Variants in ATRN observed in about 807,000 individuals in gnomAD.
ATRN encodes attractin-2.
A neutral mutation model predicts 178.7 loss-of-function variants in ATRN; 54 were observed. The observed-to-expected ratio is 0.30, with a 90% CI of 0.24 to 0.38. ATRN has a LOEUF of 0.38. ATRN is among the 10% of genes least tolerant of loss of function. The pLI, the probability that ATRN is intolerant of heterozygous loss-of-function variation, is 1.00. For missense variants in ATRN, 1,443 were observed against 1,815.1 expected, an observed-to-expected ratio of 0.79 and a Z score of 3.73; for synonymous variants, 636 against 663.0, an observed-to-expected ratio of 0.96 and a Z score of 0.63.
intron 12 of ATRN, 98 bp downstream of exon 12, chr20:3,573,049 CCT>C: frequency 9.2e-7 from 1 of 1,085,306 alleles, no homozygotes; most frequent in Non-Finnish European, 1.3e-6. Context: ...TTTATGTTTA[CCT>C]TATCCAAAAT....
rs920099052 is a variant in ATRN at position 3,651,099 on chromosome 20, A to G, written c.*4252A>G. ...TATAATACAAACTTCCTTCTGAAATAAAAGTAGATCTGGTAAAAATGTGGC... is the reference window on the plus strand; with the variant it reads ...TATAATACAAACTTCCTTCTGAAATGAAAGTAGATCTGGTAAAAATGTGGC... On this transcript the variant is annotated 3_prime_UTR_variant, in exon 29 of 29. Coordinates refer to ENST00000262919, the MANE Select transcript of ATRN (RefSeq NM_139321.3). The G allele has an allele frequency of 6.5e-6, 1 of 152,682 alleles. No homozygotes were observed. The highest frequency in any genetic ancestry group is 1.5e-5 in the Non-Finnish European group (1 of 68,048). The allele number at this position is 152,682 out of a possible 1,614,324, so 9.5% of individuals were successfully genotyped here.
intron 1 of ATRN, among the ~76,000 whole-genome samples, chr20:3,522,669 C>T (rs2085311811): frequency 1.3e-5 from 2 of 152,166 alleles, no homozygotes; most frequent in Admixed American, 6.5e-5. Context: ...AGGAGAGCTC[C>T]AGCTGACATC....
chr20:3,475,457 T>C (rs2084512311), intron 1 of ATRN, among the ~76,000 whole-genome samples: 1 of 152,044 alleles, frequency 6.6e-6, no homozygotes, highest in South Asian at 2.1e-4. Context: ...AAAGATGACA[T>C]AGAAATGACT....
chr20:3,596,461 G>A, intron 21 of ATRN, 32 bp downstream of exon 21: 1 of 1,585,522 alleles, frequency 6.3e-7, no homozygotes, highest in Non-Finnish European at 8.7e-7. Context: ...ATTTCTAGAA[G>A]CAAAGTAGTT....
chr20:3,522,684 GGATACCCCTCT>G (rs2085312143), intron 1 of ATRN, among the ~76,000 whole-genome samples: 4 of 152,158 alleles, frequency 2.6e-5, no homozygotes, highest in African/African-American at 9.7e-5. Context: ...GACATCTGGT[GGATACCCCTCT>G]GGGATGAAGC....
At chr20:3,592,511 A>G in intron 19 of ATRN, 2 of 977,236 alleles carry the variant, frequency 2.0e-6, no homozygotes, top group Non-Finnish European at 2.4e-6. Flanking sequence ...ATGACAAGTG[A>G]TATTAATGAA....
Position 3,645,211 on chromosome 20 carries a change from A to T in ATRN, c.4165+943A>T, listed in dbSNP as rs544983605. Among the ~76,000 whole-genome samples, 3 of 152,342 alleles carry T rather than the reference A, an allele frequency of 2.0e-5. No homozygotes were observed. Among genetic ancestry groups the T allele is most frequent in the African/African-American group, 7.2e-5 (3 of 41,578 alleles). ...CTGTGTCTGGTGGAAAGGCTGCCCCAGGATACTGGTCCAGGCCCTGAGCTC... is the reference window on the plus strand; with the variant it reads ...CTGTGTCTGGTGGAAAGGCTGCCCCTGGATACTGGTCCAGGCCCTGAGCTC... On this transcript the variant is annotated intron_variant, in intron 28 of 28. Transcript: ENST00000262919. This position sits in a 1 kb window ranked among gnomAD's most constrained non-coding sequence, Gnocchi z 4.7.
chr20:3,559,518 T>C, intron 7 of ATRN, 35 bp downstream of exon 7: 1 of 1,541,530 alleles, frequency 6.5e-7, no homozygotes, highest in Non-Finnish European at 9.0e-7. Context: ...AGCAAGAAAC[T>C]AAGTTTTCCT....
chr20:3,502,937 C>T (rs147387412), intron 1 of ATRN, among the ~76,000 whole-genome samples: 2 of 152,182 alleles, frequency 1.3e-5, no homozygotes, highest in African/African-American at 4.8e-5. Context: ...AGCAAGTGGC[C>T]CATTACAGAA....
At chr20:3,497,527 A>T (rs1215261375) in intron 1 of ATRN, among the ~76,000 whole-genome samples, 1 of 152,112 alleles carries the variant, frequency 6.6e-6, no homozygotes, top group Non-Finnish European at 1.5e-5. Context: ...CTGCTGAGAG[A>T]TCAGCTGTTA....
At chr20:3,560,203 A>C (rs1006158715) in intron 7 of ATRN, among the ~76,000 whole-genome samples, 1 of 151,928 alleles carries the variant, frequency 6.6e-6, no homozygotes, top group East Asian at 1.9e-4. Context: ...TATCTTCATG[A>C]GATCCACTTT....
intron 1 of ATRN, among the ~76,000 whole-genome samples, chr20:3,481,240 G>A (rs2084615974): frequency 6.6e-6 from 1 of 151,780 alleles, no homozygotes; most frequent in Non-Finnish European, 1.5e-5. Context: ...TTTTCTTTAT[G>A]TCATATCTCT....
rs1404925616 is a variant in ATRN at position 3,535,276 on chromosome 20, T to C, written c.434T>C (p.Val145Ala). ...AGACTAACTGGATCTTCTGGGTTTG[T>C]GACAGATGGACCTGGAAATTATAAA... ...RFRLTGSSGF[V>A]TDGPGNYKYK... is the part of the protein sequence containing the mutation. The change falls in exon 2 of 29, where the codon GTG becomes GCG. Residue 145 changes from valine to alanine, a missense_variant. By Grantham distance (64) the Val-to-Ala change is moderately conservative. Coordinates refer to ENST00000262919, the MANE Select transcript of ATRN (RefSeq NM_139321.3). 4 of 1,540,902 alleles carry C rather than the reference T, an allele frequency of 2.6e-6. No individual in the cohort carries two copies. The highest frequency in any genetic ancestry group is 2.5e-5 in the South Asian group (2 of 80,296).
intron 1 of ATRN, among the ~76,000 whole-genome samples, chr20:3,479,220 T>C (rs1407944817): frequency 1.3e-5 from 2 of 152,208 alleles, no homozygotes; most frequent in African/African-American, 2.4e-5. Context: ...ATGAGTCATC[T>C]GCTAATTCAC....
At chr20:3,544,234 G>GAT (rs1338264126) in intron 3 of ATRN, among the ~76,000 whole-genome samples, 53 of 152,150 alleles carry the variant, frequency 3.5e-4, no homozygotes, top group Non-Finnish European at 7.4e-5. Context: ...TGCCTGTTGA[G>GAT]CTTCTTGTTA....
rs555874163 is a variant in ATRN at position 3,513,986 on chromosome 20, A to G, written c.411-21267A>G. Among the ~76,000 whole-genome samples the G allele has an allele frequency of 4.6e-5, 7 of 152,116 alleles. No individual in the cohort carries two copies. The East Asian group carries it at 1.4e-3, about 29-fold the overall frequency. On this transcript the variant is annotated intron_variant, in intron 1 of 28. Coordinates refer to ENST00000262919, the MANE Select transcript of ATRN (RefSeq NM_139321.3). Reference sequence around the variant, plus strand: ...TGAAGTTGCTTATCAGCTTAAGGAGATTTTGGGCTGAGACGATGGGGTTTT... The same window carrying G: ...TGAAGTTGCTTATCAGCTTAAGGAGGTTTTGGGCTGAGACGATGGGGTTTT...
At position 3,596,757 on chromosome 20, in the gene ATRN, G is replaced by A. The variant is rs908663454; in HGVS notation, c.3469+328G>A. On this transcript the variant is annotated intron_variant, in intron 21 of 28. Coordinates refer to ENST00000262919, the MANE Select transcript of ATRN (RefSeq NM_139321.3). ...TACCTAGTTGGGGTCATCATATTTC[G>A]TGTTTTAGGATGTAGATCAAAAACA... Among the ~76,000 whole-genome samples, 5 of 151,928 alleles carry A rather than the reference G, an allele frequency of 3.3e-5. No homozygotes were observed. In the South Asian group the frequency reaches 6.2e-4, roughly 19 times the overall value.
At chr20:3,477,730 T>C (rs1439465289) in intron 1 of ATRN, among the ~76,000 whole-genome samples, 1 of 152,188 alleles carries the variant, frequency 6.6e-6, no homozygotes, top group Non-Finnish European at 1.5e-5. Context: ...GGCAGGGGCC[T>C]GGAGCATAGT....
chr20:3,618,084 C>T (rs1568768507), intron 24 of ATRN, among the ~76,000 whole-genome samples: 1 of 152,222 alleles, frequency 6.6e-6, no homozygotes, highest in Non-Finnish European at 1.5e-5. Flanking sequence ...GATCTTGTAG[C>T]TGTGTGTGGG....
Sources: gnomAD v4.1 joint callset for allele counts (sites outside exome capture counted in the v4.1 genomes callset) on GRCh38, gnomAD v4.1.1 for gene constraint, Gnocchi (gnomAD v3.1) non-coding constraint, MANE v1.5 for transcripts, NCBI Gene and HGNC (gene_info 2026-07-23, HGNC 2026-07-21) for gene names.